Variants in PPP2R2B observed in about 807,000 individuals in gnomAD.
PPP2R2B encodes protein phosphatase 2 regulatory subunit Bbeta, also known as serine/threonine-protein phosphatase 2A 55 kDa regulatory subunit B beta isoform.
A neutral mutation model predicts 46.0 loss-of-function variants in PPP2R2B; 5 were observed. The ratio of observed to expected loss-of-function variants is 0.11; its 90% CI spans 0.06 to 0.23. PPP2R2B has a LOEUF of 0.23. Among genes scored for constraint, PPP2R2B ranks in the 10% least tolerant of loss-of-function variants. The pLI is 1.00. For synonymous variants in PPP2R2B, 215 were observed against 206.7 expected, an observed-to-expected ratio of 1.04 and a Z score of -0.34; for missense variants, 367 against 575.0, an observed-to-expected ratio of 0.64 and a Z score of 3.70.
chr5:146,862,189 G>A (rs992468433), intron 2 of PPP2R2B, among the ~76,000 whole-genome samples: 14 of 152,138 alleles, frequency 9.2e-5, no homozygotes, highest in Admixed American at 3.9e-4. Flanking sequence ...CTCATTCAGA[G>A]GGACCTGCAA....
At chr5:146,826,416 GACC>G (rs1484585186) in intron 2 of PPP2R2B, among the ~76,000 whole-genome samples, 1 of 152,046 alleles carries the variant, frequency 6.6e-6, no homozygotes, top group Non-Finnish European at 1.5e-5. Context: ...GCATTTTAGA[GACC>G]ACCCTGAAAA....
intron 1 of PPP2R2B, among the ~76,000 whole-genome samples, chr5:146,934,908 T>C (rs1217563218): frequency 1.3e-5 from 2 of 152,106 alleles, no homozygotes; most frequent in African/African-American, 4.8e-5. Context: ...AAGATAGAAT[T>C]TGCCTTTGGT....
At chr5:146,875,686 T>C (rs551176879) in intron 2 of PPP2R2B, among the ~76,000 whole-genome samples, 3 of 151,978 alleles carry the variant, frequency 2.0e-5, no homozygotes, top group East Asian at 1.9e-4. Flanking sequence ...AATGTAGAAA[T>C]AGTAAAGGAA....
intron 1 of PPP2R2B, among the ~76,000 whole-genome samples, chr5:146,997,225 T>C (rs1273871888): frequency 6.6e-6 from 1 of 152,190 alleles, no homozygotes; most frequent in East Asian, 1.9e-4. Context: ...GGAGCAGCCA[T>C]GGAGATAGGT....
chr5:146,729,396 C>G (rs546085175), intron 2 of PPP2R2B, among the ~76,000 whole-genome samples: 1 of 152,264 alleles, frequency 6.6e-6, no homozygotes, highest in South Asian at 2.1e-4. Flanking sequence ...AAATTTGCAG[C>G]CTGAATATGC....
intron 2 of PPP2R2B, among the ~76,000 whole-genome samples, chr5:146,833,726 T>TC (rs1173158328): frequency 6.6e-6 from 1 of 151,686 alleles, no homozygotes; most frequent in Non-Finnish European, 1.5e-5. Context: ...TCTGTCTCTC[T>TC]CCCCCTGCCC....
chr5:147,075,831 T>C (rs1021027845), intron 2 of PPP2R2B, among the ~76,000 whole-genome samples: 6 of 152,170 alleles, frequency 3.9e-5, no homozygotes, highest in Non-Finnish European at 8.8e-5. Flanking sequence ...TTGTCTCTCA[T>C]CAGACTTCCT....
intron 1 of PPP2R2B, among the ~76,000 whole-genome samples, chr5:146,958,540 TACTA>T (rs1318285360): frequency 1.6e-4 from 25 of 152,222 alleles, no homozygotes; most frequent in Non-Finnish European, 7.3e-5. Context: ...TAATGAATTT[TACTA>T]ACTCTGTATT....
intron 1 of PPP2R2B, among the ~76,000 whole-genome samples, chr5:146,957,636 C>A (rs1021156895): frequency 6.6e-6 from 1 of 152,230 alleles, no homozygotes; most frequent in East Asian, 1.9e-4. Context: ...GTAGAGGCAC[C>A]TGACACAAAT....
intron 2 of PPP2R2B, among the ~76,000 whole-genome samples, chr5:146,782,550 T>C (rs190449209): frequency 1.3e-4 from 20 of 152,182 alleles, no homozygotes; most frequent in Non-Finnish European, 2.6e-4. Context: ...TATTAGCAAA[T>C]TTTTCTGTTT....
chr5:146,942,831 T>C (rs1764363960), intron 1 of PPP2R2B, among the ~76,000 whole-genome samples: 1 of 151,754 alleles, frequency 6.6e-6, no homozygotes, highest in African/African-American at 2.4e-5. Flanking sequence ...GGAGTCTCAC[T>C]CTGTCACCCA....
intron 1 of PPP2R2B, among the ~76,000 whole-genome samples, chr5:147,005,915 CT>C (rs1408346476): frequency 6.6e-6 from 1 of 152,162 alleles, no homozygotes; most frequent in Non-Finnish European, 1.5e-5. Context: ...AGGGTCTTCT[CT>C]GTAACCCTAT....
intron 7 of PPP2R2B, among the ~76,000 whole-genome samples, chr5:146,619,777 T>A (rs752238015): frequency 6.6e-6 from 1 of 152,168 alleles, no homozygotes; most frequent in Non-Finnish European, 1.5e-5. Context: ...AACCTCTCCC[T>A]GCTCCCCTGT....
chr5:147,050,521 T>G (rs1277652625), intron 1 of PPP2R2B, among the ~76,000 whole-genome samples: 1 of 152,198 alleles, frequency 6.6e-6, no homozygotes, highest in Non-Finnish European at 1.5e-5. Context: ...ATTCTTAGCA[T>G]GTACCCTGGA....
At chr5:146,719,803 T>TTTTTTTTTTTTTTTTTTTTTTTTTTGAG (rs1418579202) in intron 2 of PPP2R2B, among the ~76,000 whole-genome samples, 1 of 152,020 alleles carries the variant, frequency 6.6e-6, no homozygotes, top group Non-Finnish European at 1.5e-5. Context: ...AATGAGTTTC[T>TTTTTTTTTTTTTTTTTTTTTTTTTTGAG]ATCATCTAAA....
intron 1 of PPP2R2B, among the ~76,000 whole-genome samples, chr5:146,953,780 G>A (rs553507886): frequency 6.6e-6 from 1 of 152,048 alleles, no homozygotes; most frequent in South Asian, 2.1e-4. Flanking sequence ...TTAAAAATAG[G>A]TTTCGGTGAC....
intron 1 of PPP2R2B, among the ~76,000 whole-genome samples, chr5:146,900,709 T>C (rs1042757272): frequency 1.3e-5 from 2 of 151,928 alleles, no homozygotes; most frequent in Admixed American, 1.3e-4. Flanking sequence ...TCACGGTGAT[T>C]TGCTGTGCCC....
upstream of PPP2R2B, among the ~76,000 whole-genome samples, chr5:146,880,196 TG>T (rs1282977981): frequency 6.6e-6 from 1 of 150,436 alleles, no homozygotes; most frequent in Non-Finnish European, 1.5e-5. Flanking sequence ...TGTGTGTGTG[TG>T]TGTGTGTGTG....
intron 7 of PPP2R2B, 40 bp downstream of exon 7, chr5:146,638,211 C>T: frequency 6.3e-7 from 1 of 1,591,946 alleles, no homozygotes; most frequent in Non-Finnish European, 8.6e-7. Context: ...ACATTGGGGC[C>T]AGTGGCCATG....
Sources: gnomAD v4.1 joint callset for allele counts (sites outside exome capture counted in the v4.1 genomes callset) on GRCh38, gnomAD v4.1.1 for gene constraint, MANE v1.5 for transcripts, NCBI Gene and HGNC (gene_info 2026-07-23, HGNC 2026-07-21) for gene names.